NACC2: variants seen among roughly 807,000 people sequenced by gnomAD.
NACC2 encodes the protein nucleus accumbens-associated protein 2.
Under a neutral mutation model 25.1 loss-of-function variants are expected in NACC2, and 8 were observed. That is an observed-to-expected ratio of 0.32 (90% CI 0.19 to 0.57). The LOEUF is 0.57. Among genes scored for constraint, NACC2 ranks in the 20% least tolerant of loss-of-function variants. The pLI, the probability that NACC2 is intolerant of heterozygous loss-of-function variation, is 0.89. For missense variants in NACC2, 644 were observed against 650.2 expected (o/e 0.99, Z 0.10); for synonymous variants, 435 against 294.7 (o/e 1.48, Z -4.88).
chr9:136,081,575 C>T (rs1420080916), intron 1 of NACC2, among the ~76,000 whole-genome samples: 4 of 152,250 alleles, frequency 2.6e-5, no homozygotes, highest in African/African-American at 9.6e-5. Flanking sequence ...CGAATCTCTG[C>T]AAAGGCCTCT....
Position 136,007,466 on chromosome 9 carries a change from CACACACACAG to C in NACC2, c.*4040_*4049del, listed in dbSNP as rs1840036010. 4.2e-5 allele frequency: 2 copies of C among 48,138 alleles called. No homozygotes were observed. The highest frequency in any genetic ancestry group is 4.8e-4 in the South Asian group (1 of 2,084). The allele number at this position is 48,138 out of a possible 1,614,324, so 3.0% of individuals were successfully genotyped here. On this transcript the variant is annotated 3_prime_UTR_variant, in exon 6 of 6. Transcript: ENST00000277554. ...GCGCACACACACGCGCACACAGACG[CACACACACAG>C]ACGCACACACGCACAGACACACACA...
intron 1 of NACC2, among the ~76,000 whole-genome samples, chr9:136,080,920 G>A (rs983297852): frequency 2.0e-5 from 3 of 152,114 alleles, no homozygotes; most frequent in Non-Finnish European, 4.4e-5. Flanking sequence ...CCAGCCGCTC[G>A]AGTAGGTCGG....
rs968156347 is a variant in NACC2 at position 136,039,123 on chromosome 9, C to T, written c.886+10513G>A. Among the ~76,000 whole-genome samples, 10 of 152,184 alleles carry T rather than the reference C, an allele frequency of 6.6e-5. No individual in the cohort carries two copies. The South Asian group carries it at 2.1e-3, about 32-fold the overall frequency. Reference sequence around the variant, plus strand: ...CACAGGTAAGTTAAAAGCAATAGGACAAAAAGAGCCAAAACCACACAAATA... The same window carrying T: ...CACAGGTAAGTTAAAAGCAATAGGATAAAAAGAGCCAAAACCACACAAATA... On this transcript the variant is annotated intron_variant, in intron 2 of 5. Transcript: ENST00000277554.
At chr9:136,065,063 T>A (rs7032673) in intron 1 of NACC2, among the ~76,000 whole-genome samples, 60,253 of 152,106 alleles carry the variant, frequency 0.4, 12,842 homozygotes, top group Non-Finnish European at 0.48. Context: ...ACTTAAAATA[T>A]TTCAAAGACC....
At chr9:136,085,083 T>C (rs996134341) in intron 1 of NACC2, among the ~76,000 whole-genome samples, 1 of 151,830 alleles carries the variant, frequency 6.6e-6, no homozygotes, top group Non-Finnish European at 1.5e-5. Context: ...AATCAGAAAG[T>C]TTTTAAAATT....
intron 1 of NACC2, among the ~76,000 whole-genome samples, chr9:136,065,434 A>G (rs960862332): frequency 1.3e-5 from 2 of 152,224 alleles, no homozygotes; most frequent in African/African-American, 4.8e-5. Flanking sequence ...AGCCTGGCCA[A>G]CATGGTAAGA....
At chr9:136,074,802 G>A (rs561713962) in intron 1 of NACC2, among the ~76,000 whole-genome samples, 1 of 152,284 alleles carries the variant, frequency 6.6e-6, no homozygotes, top group East Asian at 1.9e-4. Context: ...CAGCTCACCT[G>A]CGGGGCTCGG....
chr9:136,034,911 T>C (rs1840529940), intron 2 of NACC2, among the ~76,000 whole-genome samples: 1 of 152,094 alleles, frequency 6.6e-6, no homozygotes, highest in Non-Finnish European at 1.5e-5. Flanking sequence ...CTGGCCAACA[T>C]GCTGAAACCC....
rs1840053791 is a variant in NACC2, at chr9:136,008,219, C to A, written c.*3297G>T. 1 of 152,324 alleles carries A rather than the reference C, an allele frequency of 6.6e-6. No homozygotes were observed. Among genetic ancestry groups the A allele is most frequent in the Non-Finnish European group, 1.5e-5 (1 of 68,138 alleles). 9.4% of individuals were successfully genotyped at this position (152,324 alleles called of 1,614,324 possible). ...AGACAGAATTCAAGTACCGAGGCAC[C>A]CAGCCAGGCGCGGCCCGCCGGGCTC... On this transcript the variant is annotated 3_prime_UTR_variant, in exon 6 of 6. Coordinates refer to ENST00000277554, the MANE Select transcript of NACC2 (RefSeq NM_144653.5).
chr9:136,081,526 T>A (rs1830324954), intron 1 of NACC2, among the ~76,000 whole-genome samples: 1 of 152,246 alleles, frequency 6.6e-6, no homozygotes, highest in East Asian at 1.9e-4. Context: ...AATTCCCTCG[T>A]GACGTTTCTT....
At chr9:136,012,050 C>G (rs779620527) in intron 5 of NACC2, 26 bp from the exon 6 acceptor site, 2 of 1,492,726 alleles carry the variant, frequency 1.3e-6, no homozygotes, top group East Asian at 2.6e-5. Context: ...GGCGTGAGCT[C>G]AGCCACCTGC....
chr9:136,013,361 G>A lies in NACC2; in HGVS notation c.1158-65C>T, dbSNP rs1401807511. 11 of 1,474,206 alleles carry A rather than the reference G, an allele frequency of 7.5e-6. No homozygotes were observed. The highest frequency in any genetic ancestry group is 4.6e-5 in the East Asian group (2 of 43,836). The allele number at this position is 1,474,206 out of a possible 1,614,324, so 91.3% of individuals were successfully genotyped here. On this transcript the variant is annotated intron_variant, in intron 4 of 5. Coordinates refer to ENST00000277554, the MANE Select transcript of NACC2 (RefSeq NM_144653.5). The surrounding 1 kb of genome is among the most constrained non-coding windows in gnomAD (Gnocchi z 6.6). ...TGGGGAGGGTACCTGGAGGCGACCC[G>A]CCCGCACGAATGCCCTGCTGGGAGG...
intron 1 of NACC2, among the ~76,000 whole-genome samples, chr9:136,091,135 G>A (rs1443871041): frequency 6.6e-6 from 1 of 152,188 alleles, no homozygotes; most frequent in Non-Finnish European, 1.5e-5. Context: ...GTTCTCCCGG[G>A]AGACTCCATG....
intron 1 of NACC2, among the ~76,000 whole-genome samples, chr9:136,073,185 C>T (rs1469763758): frequency 2.0e-5 from 3 of 151,958 alleles, no homozygotes; most frequent in Non-Finnish European, 2.9e-5. Context: ...CTCAGCTACA[C>T]GGGAGGCTGG....
chr9:136,068,919 CTT>C (rs35009638), intron 1 of NACC2, among the ~76,000 whole-genome samples: 1 of 144,708 alleles, frequency 6.9e-6, no homozygotes, highest in Admixed American at 6.8e-5. Context: ...TGAAAGAATA[CTT>C]TTTTTTTTTT....
At chr9:136,068,131 A>T (rs1841109182) in intron 1 of NACC2, among the ~76,000 whole-genome samples, 1 of 152,212 alleles carries the variant, frequency 6.6e-6, no homozygotes. Context: ...AAGGACTGGG[A>T]TATTACTATA....
intron 2 of NACC2, among the ~76,000 whole-genome samples, chr9:136,039,900 A>G (rs1285851575): frequency 2.6e-5 from 4 of 152,134 alleles, no homozygotes; most frequent in African/African-American, 7.2e-5. Flanking sequence ...AGATCCAGAA[A>G]TACAAGGTGT....
At chr9:136,074,309 C>T (rs1424339867) in intron 1 of NACC2, among the ~76,000 whole-genome samples, 3 of 148,186 alleles carry the variant, frequency 2.0e-5, no homozygotes, top group Admixed American at 6.8e-5. Context: ...AAAAATTAGC[C>T]GGGCATGGTG....
intron 1 of NACC2, among the ~76,000 whole-genome samples, chr9:136,070,199 G>C (rs1393073741): frequency 6.6e-6 from 1 of 151,852 alleles, no homozygotes; most frequent in Non-Finnish European, 1.5e-5. Context: ...ATATGTCAAA[G>C]AAGAAGTCTC....
Sources: gnomAD v4.1 joint callset for allele counts (sites outside exome capture counted in the v4.1 genomes callset) on GRCh38, gnomAD v4.1.1 for gene constraint, Gnocchi (gnomAD v3.1) non-coding constraint, MANE v1.5 for transcripts, NCBI Gene and HGNC (gene_info 2026-07-23, HGNC 2026-07-21) for gene names.